The following PTPRN2 variants were observed in gnomAD, a reference collection of about 807,000 sequenced individuals.
The protein encoded by PTPRN2 is receptor-type tyrosine-protein phosphatase N2.
Under a neutral mutation model 118.8 loss-of-function variants are expected in PTPRN2, and 74 were observed. The ratio of observed to expected loss-of-function variants is 0.62; its 90% confidence interval spans 0.52 to 0.76. PTPRN2 has a LOEUF of 0.76. PTPRN2 is among the 30% of genes least tolerant of loss of function. The probability of loss-of-function intolerance (pLI) is 0.00; values close to 1 mark genes in which losing one functional copy is unlikely to be tolerated. For missense variants in PTPRN2, 1,481 were observed against 1,394.4 expected (o/e 1.06, Z -0.99); for synonymous variants, 641 against 608.0 (o/e 1.05, Z -0.80).
intron 12 of PTPRN2, among the ~76,000 whole-genome samples, chr7:157,759,573 C>T (rs1031450660): frequency 3.9e-5 from 6 of 152,230 alleles, no homozygotes; most frequent in African/African-American, 1.2e-4. Flanking sequence ...AGGCCTCCTT[C>T]AAATGGAAGA....
chr7:158,527,619 C>T (rs1264291006), intron 1 of PTPRN2, among the ~76,000 whole-genome samples: 3 of 152,206 alleles, frequency 2.0e-5, no homozygotes, highest in Non-Finnish European at 4.4e-5. Context: ...TAACACCTGG[C>T]GGCCCACTGC....
intron 11 of PTPRN2, among the ~76,000 whole-genome samples, chr7:157,982,077 G>A (rs1420609039): frequency 1.4e-5 from 2 of 148,094 alleles, no homozygotes; most frequent in Non-Finnish European, 3.0e-5. Flanking sequence ...GGAATGCAGA[G>A]TGCAGGGTCC....
chr7:158,246,711 C>T (rs934295936), intron 3 of PTPRN2, among the ~76,000 whole-genome samples: 3 of 151,990 alleles, frequency 2.0e-5, no homozygotes, highest in Non-Finnish European at 4.4e-5. Flanking sequence ...CAGGCAAGGC[C>T]GACCAATGTG....
At chr7:157,702,856 A>T (rs561319138) in intron 12 of PTPRN2, among the ~76,000 whole-genome samples, 1 of 152,244 alleles carries the variant, frequency 6.6e-6, no homozygotes, top group Non-Finnish European at 1.5e-5. Flanking sequence ...CCTCAGAAGG[A>T]GCTGAGGTCA....
In PTPRN2 at chr7:157,543,480, A is replaced by AGCTG. The variant is rs537521017; in HGVS notation, c.2977-2696_2977-2695insCAGC. Among the ~76,000 whole-genome samples the AGCTG allele has an allele frequency of 5.2e-3, 790 of 152,328 alleles. 8 individuals are homozygous for AGCTG. Among genetic ancestry groups the AGCTG allele is most frequent in the African/African-American group, 0.018 (738 of 41,586 alleles). ...GCCCCTTCTCAGGCTGTCCTGGGACAACCACGGGGTGCCCACATAGTTGGT... is the reference window on the plus strand; with the variant it reads ...GCCCCTTCTCAGGCTGTCCTGGGACAGCTGACCACGGGGTGCCCACATAGTTGGT... On this transcript the variant is annotated intron_variant, in intron 22 of 22. Coordinates refer to ENST00000389418, the MANE Select transcript of PTPRN2 (RefSeq NM_002847.5).
intron 10 of PTPRN2, among the ~76,000 whole-genome samples, chr7:158,109,068 C>CA: frequency 7.7e-6 from 1 of 129,342 alleles, no homozygotes; most frequent in South Asian, 2.5e-4. Context: ...TGAAGGAGAC[C>CA]GTGAGTGAAT....
intron 12 of PTPRN2, among the ~76,000 whole-genome samples, chr7:157,702,189 G>A (rs1371685231): frequency 1.4e-5 from 2 of 148,098 alleles, no homozygotes; most frequent in Admixed American, 6.8e-5. Context: ...TAAGAGAGCC[G>A]GGTAGGTGCT....
At chr7:157,760,716 G>GA (rs1563080449) in intron 12 of PTPRN2, among the ~76,000 whole-genome samples, 2 of 152,084 alleles carry the variant, frequency 1.3e-5, no homozygotes, top group African/African-American at 4.8e-5. Flanking sequence ...TCCAAAATAA[G>GA]AAAAAACTTT....
At chr7:158,553,354 G>A (rs894532317) in intron 1 of PTPRN2, among the ~76,000 whole-genome samples, 3 of 140,024 alleles carry the variant, frequency 2.1e-5, no homozygotes, top group African/African-American at 8.1e-5. Context: ...GAGTCTACAC[G>A]ACCTTCCCTG....
chr7:157,582,315 A>G (rs1446512389), intron 17 of PTPRN2, among the ~76,000 whole-genome samples: 1 of 152,200 alleles, frequency 6.6e-6, no homozygotes, highest in African/African-American at 2.4e-5. Flanking sequence ...CAAAAAAACA[A>G]ATGACCCAAC....
At chr7:158,413,043 A>G (rs924037452) in intron 2 of PTPRN2, among the ~76,000 whole-genome samples, 1 of 147,410 alleles carries the variant, frequency 6.8e-6, no homozygotes, top group African/African-American at 2.5e-5. Flanking sequence ...TCCAGGGCCC[A>G]TCCAGTGCCC....
chr7:157,715,219 G>C (rs746994976), intron 12 of PTPRN2, among the ~76,000 whole-genome samples: 5 of 152,204 alleles, frequency 3.3e-5, no homozygotes, highest in Non-Finnish European at 5.9e-5. Flanking sequence ...GGCTGGAGGC[G>C]GGAGTCCAGG....
chr7:158,108,807 C>T (rs1289134376), intron 10 of PTPRN2, among the ~76,000 whole-genome samples: 1 of 152,260 alleles, frequency 6.6e-6, no homozygotes, highest in Admixed American at 6.5e-5. Context: ...AGGCAGGGCC[C>T]ATGTATCTCA....
intron 12 of PTPRN2, among the ~76,000 whole-genome samples, chr7:157,771,778 G>C (rs1338677984): frequency 1.3e-4 from 15 of 113,718 alleles, no homozygotes; most frequent in African/African-American, 8.1e-4. Context: ...TGCAGACACA[G>C]ACACACACTC....
Position 158,562,925 on chromosome 7 carries a change from T to A in PTPRN2, c.112+24633A>T, listed in dbSNP as rs576550071. 2.6e-5 allele frequency among the ~76,000 whole-genome samples: 4 copies of A among 152,294 alleles called. No individual in the cohort carries two copies. In the South Asian group the frequency reaches 8.3e-4, roughly 32 times the overall value. ...AGTGCAGGCCCTTTAAAGACCAGAATGTGTCCCCATCCGTTCCAGCATTAG... is the reference window on the plus strand; with the variant it reads ...AGTGCAGGCCCTTTAAAGACCAGAAAGTGTCCCCATCCGTTCCAGCATTAG... On this transcript the variant is annotated intron_variant, in intron 1 of 22. Transcript: ENST00000389418.
chr7:158,339,945 C>T (rs1367856446), intron 2 of PTPRN2, among the ~76,000 whole-genome samples: 3 of 93,914 alleles, frequency 3.2e-5, no homozygotes, highest in Admixed American at 1.1e-4. Flanking sequence ...AGCTGTCGCC[C>T]GCAGACGTGA....
At chr7:158,072,061 G>GGTGGTGGAGGTGCTC (rs1811957182) in intron 11 of PTPRN2, among the ~76,000 whole-genome samples, 2 of 139,376 alleles carry the variant, frequency 1.4e-5, no homozygotes, top group Admixed American at 7.0e-5. Context: ...AGGTTCCCGT[G>GGTGGTGGAGGTGCTC]GTGGTGGAGG....
chr7:157,657,521 CCA>C lies in PTPRN2; in HGVS notation c.2002-972_2002-971del, dbSNP rs756110799. Among the ~76,000 whole-genome samples the C allele has an allele frequency of 3.3e-5, 2 of 60,168 alleles. 1 individual carries two copies. The highest frequency in any genetic ancestry group is 9.7e-4 in the East Asian group (2 of 2,060). 39.5% of individuals were successfully genotyped at this position (60,168 alleles called of 152,430 possible). ...TATACACACACATACACCACACAAACCACACACATCACACATATACACACACA... is the reference window on the plus strand; with the variant it reads ...TATACACACACATACACCACACAAACCACACATCACACATATACACACACA... On this transcript the variant is annotated intron_variant, in intron 13 of 22. Coordinates refer to ENST00000389418, the MANE Select transcript of PTPRN2 (RefSeq NM_002847.5).
rs142547838 is a variant in PTPRN2 at position 158,251,226 on chromosome 7, G to A, written c.278-45953C>T. 1.7e-4 allele frequency among the ~76,000 whole-genome samples: 26 copies of A among 152,296 alleles called. No individual in the cohort carries two copies. The East Asian group carries it at 3.9e-3, about 23-fold the overall frequency. ...CTCAGGGTCAAAGAACTGGGCTCCC[G>A]TCCTGCCTGCTGAGGTCCCTGGGGT... is the stretch of plus-strand genomic sequence containing the variant. On this transcript the variant is annotated intron_variant, in intron 3 of 22. Transcript: ENST00000389418.
Sources: allele counts gnomAD v4.1 joint callset (sites outside exome capture counted in the v4.1 genomes callset), GRCh38; gene constraint gnomAD v4.1.1; transcripts MANE v1.5; gene names NCBI Gene and HGNC (gene_info 2026-07-23, HGNC 2026-07-21).